Variants in PIK3C2G observed in about 807,000 individuals in gnomAD.
PIK3C2G encodes phosphatidylinositol 3-kinase C2 domain-containing subunit gamma.
PIK3C2G carries 168 observed loss-of-function variants against 181.1 expected under a neutral mutation model. The observed-to-expected ratio is 0.93, with a 90% confidence interval of 0.82 to 1.05. PIK3C2G has a LOEUF of 1.05. PIK3C2G is among the 50% of genes least tolerant of loss of function. The pLI, the probability that PIK3C2G is intolerant of heterozygous loss-of-function variation, is 0.00. For missense variants in PIK3C2G, 1,869 were observed against 1,732.8 expected, an observed-to-expected ratio of 1.08 and a Z score of -1.40; for synonymous variants, 573 against 592.2, an observed-to-expected ratio of 0.97 and a Z score of 0.47.
intron 15 of PIK3C2G, among the ~76,000 whole-genome samples, chr12:18,393,542 C>A (rs895670732): frequency 2.6e-5 from 4 of 151,698 alleles, no homozygotes; most frequent in African/African-American, 9.7e-5. Context: ...GAAAAAAAAA[C>A]TTCTTGATGT....
rs923610165 is a variant in PIK3C2G at position 18,367,636 on chromosome 12, C to G, written c.1749-3544C>G. Among the ~76,000 whole-genome samples the G allele has an allele frequency of 4.8e-4, 73 of 151,274 alleles. 4 individuals carry two copies. The highest frequency in any genetic ancestry group is 2.4e-4 in the Non-Finnish European group (16 of 67,776). On this transcript the variant is annotated intron_variant, in intron 12 of 32. Transcript: ENST00000538779. ...ATGGTGTGATCTCGGCTCACTGCAACCTCCGCCTCCCGGGTTCAAGCAGTT... is the reference window on the plus strand; with the variant it reads ...ATGGTGTGATCTCGGCTCACTGCAAGCTCCGCCTCCCGGGTTCAAGCAGTT...
intron 15 of PIK3C2G, among the ~76,000 whole-genome samples, chr12:18,394,479 A>G (rs1027900245): frequency 6.6e-6 from 1 of 152,100 alleles, no homozygotes; most frequent in African/African-American, 2.4e-5. Context: ...GCCTGGGGAG[A>G]GGAAGTGGTT....
At chr12:18,624,869 G>A (rs573404307) in intron 31 of PIK3C2G, among the ~76,000 whole-genome samples, 7 of 151,428 alleles carry the variant, frequency 4.6e-5, no homozygotes, top group Non-Finnish European at 1.0e-4. Context: ...TATTCTTTTG[G>A]TGCCAGTTGT....
intron 5 of PIK3C2G, among the ~76,000 whole-genome samples, chr12:18,294,904 G>A (rs548490371): frequency 6.6e-6 from 1 of 151,828 alleles, no homozygotes; most frequent in African/African-American, 2.4e-5. Flanking sequence ...CATCATGAAT[G>A]TGCTTGAAAT....
Position 18,594,575 on chromosome 12 carries a change from T to C in PIK3C2G, c.4087+6T>C, listed in dbSNP as rs758814425. On this transcript the variant is annotated splice_donor_region_variant and intron_variant, in intron 30 of 32. Transcript: ENST00000538779. Reference sequence around the variant, plus strand: ...ATCATCACCTGTGTACCTAGGTAAGTAAATTTGTCATTATATTACGTACAG... The same window carrying C: ...ATCATCACCTGTGTACCTAGGTAAGCAAATTTGTCATTATATTACGTACAG... 3 of 1,457,394 alleles carry C rather than the reference T, an allele frequency of 2.1e-6. No homozygotes were observed. Among genetic ancestry groups the C allele is most frequent in the East Asian group, 5.1e-5 (2 of 39,590 alleles). The allele number at this position is 1,457,394 out of a possible 1,614,324, so 90.3% of individuals were successfully genotyped here. A position where few individuals can be genotyped will look rare whatever the true frequency, so the allele number is the denominator to read the frequency against.
intron 5 of PIK3C2G, among the ~76,000 whole-genome samples, chr12:18,301,582 CT>C (rs1329341102): frequency 1.3e-5 from 2 of 151,664 alleles, no homozygotes; most frequent in Admixed American, 6.6e-5. Context: ...ATTTTTGTCT[CT>C]TTTTTTACTC....
At chr12:18,668,091 A>G in the PIK3C2G span, among the ~76,000 whole-genome samples, 5 of 152,202 alleles carry the variant, frequency 3.3e-5, no homozygotes, top group African/African-American at 1.2e-4. Context: ...ATACTAAAAG[A>G]GTCACTGTCT....
At chr12:18,391,473 A>G (rs1389358282) in intron 15 of PIK3C2G, among the ~76,000 whole-genome samples, 2 of 152,182 alleles carry the variant, frequency 1.3e-5, no homozygotes, top group African/African-American at 4.8e-5. Context: ...AAGGAAAAGT[A>G]AAAAGTTTGG....
the PIK3C2G span, among the ~76,000 whole-genome samples, chr12:18,674,220 C>T: frequency 4.5e-3 from 680 of 152,228 alleles, 4 homozygotes; most frequent in African/African-American, 0.015. Context: ...AAATATAAGC[C>T]ACATATATTA....
chr12:18,379,860 C>T (rs1041783879), intron 13 of PIK3C2G, among the ~76,000 whole-genome samples: 11 of 152,162 alleles, frequency 7.2e-5, no homozygotes, highest in Non-Finnish European at 1.3e-4. Context: ...TACAGAAGCC[C>T]TTATCCCCAC....
chr12:18,366,790 T>C (rs1484424395), intron 12 of PIK3C2G, among the ~76,000 whole-genome samples: 3 of 152,136 alleles, frequency 2.0e-5, no homozygotes, highest in Admixed American at 1.3e-4. Flanking sequence ...CTTATTTTTT[T>C]TTCCTTTTTT....
intron 29 of PIK3C2G, among the ~76,000 whole-genome samples, chr12:18,571,416 TTTTG>T (rs915753896): frequency 4.0e-5 from 6 of 150,886 alleles, no homozygotes; most frequent in East Asian, 3.9e-4. Context: ...CTTGACTGGT[TTTTG>T]TTTGTTTGTA....
chr12:18,328,462 T>G (rs1467552218), intron 8 of PIK3C2G, among the ~76,000 whole-genome samples: 1 of 152,004 alleles, frequency 6.6e-6, no homozygotes, highest in African/African-American at 2.4e-5. Context: ...AAACTGAAGC[T>G]CTCTTGGTTA....
intron 24 of PIK3C2G, among the ~76,000 whole-genome samples, chr12:18,536,446 A>T (rs1160600895): frequency 6.6e-6 from 1 of 152,116 alleles, no homozygotes; most frequent in Non-Finnish European, 1.5e-5. Context: ...GAACGGAGAG[A>T]TTAAGTCACC....
At chr12:18,722,949 A>G in the PIK3C2G span, among the ~76,000 whole-genome samples, 1 of 152,022 alleles carries the variant, frequency 6.6e-6, no homozygotes, top group Non-Finnish European at 1.5e-5. Context: ...AAGACCACCT[A>G]TAACTGGGGT....
intron 29 of PIK3C2G, among the ~76,000 whole-genome samples, chr12:18,587,969 G>C (rs960750580): frequency 6.6e-6 from 1 of 151,788 alleles, no homozygotes; most frequent in Non-Finnish European, 1.5e-5. Flanking sequence ...ATAGCCAACC[G>C]TTTTTTGACA....
intron 24 of PIK3C2G, among the ~76,000 whole-genome samples, chr12:18,535,893 G>T (rs1275294418): frequency 1.3e-5 from 2 of 152,038 alleles, no homozygotes; most frequent in African/African-American, 4.8e-5. Context: ...TCACTCACAG[G>T]TGGGAATTGA....
downstream of PIK3C2G, among the ~76,000 whole-genome samples, chr12:18,652,504 G>T (rs1180921052): frequency 6.6e-6 from 1 of 152,144 alleles, no homozygotes; most frequent in Middle Eastern, 3.2e-3. Flanking sequence ...AGCTGTGGGG[G>T]AAAAATACTG....
intron 18 of PIK3C2G, among the ~76,000 whole-genome samples, chr12:18,455,888 A>G (rs748235095): frequency 9.2e-5 from 14 of 152,156 alleles, no homozygotes; most frequent in Non-Finnish European, 1.9e-4. Context: ...GCATTCACGC[A>G]TTCATTATAT....
Sources: allele counts gnomAD v4.1 joint callset (sites outside exome capture counted in the v4.1 genomes callset), GRCh38; gene constraint gnomAD v4.1.1; transcripts MANE v1.5; gene names NCBI Gene and HGNC (gene_info 2026-07-23, HGNC 2026-07-21).